JAKMIP2: variants seen among roughly 807,000 people sequenced by gnomAD.
JAKMIP2 encodes janus kinase and microtubule-interacting protein 2.
JAKMIP2 carries 25 observed loss-of-function variants against 115.0 expected under a neutral mutation model. The ratio of observed to expected loss-of-function variants is 0.22; its 90% CI spans 0.16 to 0.30. The LOEUF (loss-of-function observed/expected upper bound fraction) is 0.30. Ranked by LOEUF, JAKMIP2 falls within the 10% of genes least tolerant of loss-of-function variation. JAKMIP2 has a pLI of 1.00. For missense variants in JAKMIP2, 642 were observed against 957.6 expected (o/e 0.67, Z 4.35); for synonymous variants, 334 against 343.6 (o/e 0.97, Z 0.31).
chr5:147,715,776 C>A (rs181182338), intron 1 of JAKMIP2, among the ~76,000 whole-genome samples: 329 of 151,038 alleles, frequency 2.2e-3, no homozygotes, highest in Middle Eastern at 7.0e-3. Flanking sequence ...ATATAACATA[C>A]ATCATATCAT....
chr5:147,720,164 T>G (rs1246228729), intron 1 of JAKMIP2, among the ~76,000 whole-genome samples: 3 of 152,218 alleles, frequency 2.0e-5, no homozygotes, highest in Non-Finnish European at 4.4e-5. Context: ...TTTAAGAATG[T>G]TGAATATTGG....
At chr5:147,655,067 T>C (rs1037013826) in intron 3 of JAKMIP2, among the ~76,000 whole-genome samples, 1 of 152,316 alleles carries the variant, frequency 6.6e-6, no homozygotes, top group East Asian at 1.9e-4. Context: ...TTGATCATGG[T>C]GGATAAGCTT....
At chr5:147,764,970 GAGA>G (rs1266888082) in intron 1 of JAKMIP2, among the ~76,000 whole-genome samples, 2 of 44,394 alleles carry the variant, frequency 4.5e-5, no homozygotes, top group Non-Finnish European at 7.9e-5. Context: ...GAGAGAGGGG[GAGA>G]GAGAGAGAGA....
intron 21 of JAKMIP2, among the ~76,000 whole-genome samples, chr5:147,597,287 T>C (rs1436664916): frequency 1.3e-5 from 2 of 152,304 alleles, no homozygotes; most frequent in Non-Finnish European, 2.9e-5. Flanking sequence ...TAACAAATAA[T>C]ACAGTACTTA....
intron 1 of JAKMIP2, among the ~76,000 whole-genome samples, chr5:147,720,916 A>T (rs1338809324): frequency 1.3e-5 from 2 of 152,060 alleles, no homozygotes; most frequent in Non-Finnish European, 2.9e-5. Flanking sequence ...TTGGAGGAGG[A>T]GAGGCGCTCT....
chr5:147,672,467 C>G (rs1759660861), intron 1 of JAKMIP2, among the ~76,000 whole-genome samples: 1 of 152,166 alleles, frequency 6.6e-6, no homozygotes. Context: ...TTCATTCATT[C>G]AATCAGTCAA....
intron 1 of JAKMIP2, among the ~76,000 whole-genome samples, chr5:147,677,025 A>G (rs1312559850): frequency 6.6e-6 from 1 of 152,206 alleles, no homozygotes; most frequent in Non-Finnish European, 1.5e-5. Flanking sequence ...AGAACATTTG[A>G]TTAAAAGTAT....
rs1754909530 is a variant in JAKMIP2, at chr5:147,587,229, C to G, written c.*4478G>C. The G allele has an allele frequency of 6.6e-6, 1 of 152,046 alleles. No homozygotes were observed. Among genetic ancestry groups the G allele is most frequent in the Admixed American group, 6.6e-5 (1 of 15,252 alleles). 9.4% of individuals were successfully genotyped at this position (152,046 alleles called of 1,614,324 possible). A position where few individuals can be genotyped will look rare whatever the true frequency, so the allele number is the denominator to read the frequency against. On this transcript the variant is annotated 3_prime_UTR_variant, in exon 22 of 22. Transcript: ENST00000616793. ...GACATAAACAGTCATCTAAGATTTGCTTTGAATGTTTATCATTCAAAAGTT... is the reference window on the plus strand; with the variant it reads ...GACATAAACAGTCATCTAAGATTTGGTTTGAATGTTTATCATTCAAAAGTT...
intron 1 of JAKMIP2, among the ~76,000 whole-genome samples, chr5:147,713,299 G>T (rs569913554): frequency 6.6e-6 from 1 of 151,950 alleles, no homozygotes; most frequent in Non-Finnish European, 1.5e-5. Context: ...TAACATCAAG[G>T]TTCCATTTTT....
chr5:147,729,630 C>T (rs370638799), intron 1 of JAKMIP2, among the ~76,000 whole-genome samples: 5 of 151,816 alleles, frequency 3.3e-5, no homozygotes, highest in Admixed American at 6.6e-5. Context: ...AAAAATTAGC[C>T]GGGCGTGGTG....
chr5:147,755,938 T>C (rs1009308494), intron 1 of JAKMIP2, among the ~76,000 whole-genome samples: 12 of 152,254 alleles, frequency 7.9e-5, no homozygotes, highest in Middle Eastern at 6.8e-3. Flanking sequence ...ACAATGAAAA[T>C]TGAAATCATT....
intron 1 of JAKMIP2, among the ~76,000 whole-genome samples, chr5:147,683,807 A>G (rs890557138): frequency 1.3e-5 from 2 of 152,206 alleles, no homozygotes; most frequent in Non-Finnish European, 2.9e-5. Flanking sequence ...AACAATTTCA[A>G]TATAAAGATG....
chr5:147,657,821 C>T (rs1307673823), intron 3 of JAKMIP2, among the ~76,000 whole-genome samples: 4 of 151,876 alleles, frequency 2.6e-5, no homozygotes, highest in African/African-American at 4.8e-5. Flanking sequence ...GTATGCTTCA[C>T]GAAGTTCTCG....
At chr5:147,634,197 G>T (rs1364615171) in intron 12 of JAKMIP2, among the ~76,000 whole-genome samples, 1 of 152,114 alleles carries the variant, frequency 6.6e-6, no homozygotes, top group Admixed American at 6.6e-5. Context: ...TAGGTTCATT[G>T]TCAGTTCTGC....
chr5:147,676,676 T>C (rs1430765798), intron 1 of JAKMIP2, among the ~76,000 whole-genome samples: 1 of 152,204 alleles, frequency 6.6e-6, no homozygotes, highest in Non-Finnish European at 1.5e-5. Flanking sequence ...TCCTACAGCC[T>C]CTGAGGCTGA....
rs1445042448 is a variant in JAKMIP2 at position 147,782,619 on chromosome 5, C to G, written c.-312G>C. 2.8e-6 allele frequency: 2 copies of G among 720,888 alleles called. No homozygotes were observed. Among genetic ancestry groups the G allele is most frequent in the Non-Finnish European group, 4.9e-6 (2 of 406,660 alleles). The allele number at this position is 720,888 out of a possible 1,614,324, so 44.7% of individuals were successfully genotyped here. A position where few individuals can be genotyped will look rare whatever the true frequency, so the allele number is the denominator to read the frequency against. On this transcript the variant is annotated 5_prime_UTR_variant, in exon 1 of 22. Transcript: ENST00000616793. ...TTGGCGATGGTGCGAATAGGAACCA[C>G]CCTTCCAGCCCCACTAGAGTATCAG...
intron 3 of JAKMIP2, among the ~76,000 whole-genome samples, chr5:147,657,005 C>T (rs1203374609): frequency 6.6e-6 from 1 of 152,146 alleles, no homozygotes; most frequent in East Asian, 1.9e-4. Context: ...GATGGCTGGG[C>T]ACTGTGGCTC....
chr5:147,659,932 C>G (rs1056818504), intron 3 of JAKMIP2, among the ~76,000 whole-genome samples: 2 of 151,984 alleles, frequency 1.3e-5, no homozygotes, highest in Non-Finnish European at 2.9e-5. Context: ...AATTAAAAGC[C>G]TAGAGATATC....
chr5:147,724,095 TAAG>T (rs959199582), intron 1 of JAKMIP2, among the ~76,000 whole-genome samples: 75 of 152,302 alleles, frequency 4.9e-4, no homozygotes, highest in African/African-American at 1.5e-3. Context: ...GCTACACAGA[TAAG>T]AAGAAAATTA....
Sources: gnomAD v4.1 joint callset for allele counts (sites outside exome capture counted in the v4.1 genomes callset) on GRCh38, gnomAD v4.1.1 for gene constraint, MANE v1.5 for transcripts, NCBI Gene and HGNC (gene_info 2026-07-23, HGNC 2026-07-21) for gene names.